CHCHD7: variants seen among roughly 807,000 people sequenced by gnomAD.
The protein encoded by CHCHD7 is coiled-coil-helix-coiled-coil-helix domain containing 7, also known as coiled-coil-helix-coiled-coil-helix domain-containing protein 7.
Under a neutral mutation model 10.5 loss-of-function variants are expected in CHCHD7, and 7 were observed. That is an observed-to-expected ratio of 0.67 (90% CI 0.38 to 1.25). CHCHD7 has a LOEUF of 1.25. Among genes scored for constraint, CHCHD7 ranks in the 50% most tolerant of loss-of-function variants. CHCHD7 has a pLI of 0.02. For missense variants in CHCHD7, 100 were observed against 104.5 expected (o/e 0.96, Z 0.19); for synonymous variants, 40 against 36.0 (o/e 1.11, Z -0.40).
rs770087819 is a variant in CHCHD7, at chr8:56,214,686, A to G, written c.54+19A>G. 9.3e-6 allele frequency: 15 copies of G among 1,604,898 alleles called. No homozygotes were observed. The Admixed American group carries it at 2.2e-4, about 23-fold the overall frequency. On this transcript the variant is annotated intron_variant, in intron 2 of 3. Coordinates refer to ENST00000355315, the MANE Select transcript of CHCHD7 (RefSeq NM_001011671.3). ...TTTGTCGGTAGGATGGTTTGCTTTA[A>G]TTTTCATGAGTGTTAAGTTGGAAAA...
chr8:56,216,528 C>G lies in CHCHD7; in HGVS notation c.150C>G (p.Phe50Leu). 6.2e-7 allele frequency: 1 copy of G among 1,614,146 alleles called. No individual in the cohort carries two copies. The highest frequency in any genetic ancestry group is 8.5e-7 in the Non-Finnish European group (1 of 1,180,004). Residue 50 changes from phenylalanine (F) to leucine (L), a missense_variant, in exon 3 of 4, where the codon TTC becomes TTG. Phe to Leu is a conservative substitution (Grantham distance 22). Coordinates refer to ENST00000355315, the MANE Select transcript of CHCHD7 (RefSeq NM_001011671.3). The part of the protein sequence containing the change: ...YFLRYKNCRR[F>L]WNSIVMQRRK... ...TGAGGTACAAAAACTGCCGGAGATT[C>G]TGGGTAAGCCTAGATTGGTTAGCTT...
intron 1 of CHCHD7, chr8:56,213,047 T>C (rs1813111389): frequency 3.6e-6 from 2 of 559,966 alleles, no homozygotes; most frequent in Non-Finnish European, 6.4e-6. Context: ...TGAAGAGTTC[T>C]GTGTTCTCAC....
chr8:56,216,716 C>G (rs762643089), intron 3 of CHCHD7, 185 bp downstream of exon 3: 2 of 729,270 alleles, frequency 2.7e-6, no homozygotes, highest in South Asian at 1.5e-5. Flanking sequence ...TTAGCTGCCT[C>G]GTCGTCCTCT....
intron 2 of CHCHD7, chr8:56,215,243 A>G (rs1813272861): frequency 6.6e-6 from 1 of 152,434 alleles, no homozygotes; most frequent in South Asian, 2.1e-4. Context: ...CTCTTTAGTT[A>G]TATGCATTTT....
chr8:56,213,258 A>G (rs569897383), intron 1 of CHCHD7: 15 of 173,774 alleles, frequency 8.6e-5, no homozygotes, highest in Non-Finnish European at 1.6e-4. Context: ...TGAAAATCAT[A>G]AAATTATTAT....
At chr8:56,212,504 C>T (rs7006898) in intron 1 of CHCHD7, 10,239 of 200,244 alleles carry the variant, frequency 0.051, 1,081 homozygotes, top group African/African-American at 0.22. Flanking sequence ...GATGGGAAAT[C>T]AGGAACTGCT....
chr8:56,214,349 G>A, intron 1 of CHCHD7: 1 of 297,542 alleles, frequency 3.4e-6, no homozygotes, highest in Non-Finnish European at 6.3e-6. Flanking sequence ...GGGATTACAG[G>A]CGTGAGACAC....
intron 1 of CHCHD7, chr8:56,212,228 G>C (rs1039193001): frequency 6.5e-6 from 1 of 153,078 alleles, no homozygotes; most frequent in Non-Finnish European, 1.5e-5. Context: ...GCTACACCGC[G>C]GAAGGCGGCG....
At position 56,218,708 on chromosome 8, in the gene CHCHD7, T is replaced by C. The variant is rs1171326835; in HGVS notation, c.*1273T>C. 2 of 200,926 alleles carry C rather than the reference T, an allele frequency of 1.0e-5. No individual in the cohort carries two copies. Among genetic ancestry groups the C allele is most frequent in the Non-Finnish European group, 2.0e-5 (2 of 97,750 alleles). 12.4% of individuals were successfully genotyped at this position (200,926 alleles called of 1,614,324 possible). A position where few individuals can be genotyped will look rare whatever the true frequency, so the allele number is the denominator to read the frequency against. ...ATGCCTACCTGTGTAAGAAGTATTTTTGTATTTTTAAGCACACTTGTTAAA... is the reference window on the plus strand; with the variant it reads ...ATGCCTACCTGTGTAAGAAGTATTTCTGTATTTTTAAGCACACTTGTTAAA... On this transcript the variant is annotated 3_prime_UTR_variant, in exon 4 of 4. Coordinates refer to ENST00000355315, the MANE Select transcript of CHCHD7 (RefSeq NM_001011671.3).
At chr8:56,216,803 T>C in intron 3 of CHCHD7, 1 of 687,024 alleles carries the variant, frequency 1.5e-6, no homozygotes, top group Non-Finnish European at 2.6e-6. Flanking sequence ...AACAATGTCT[T>C]TGTTATAAAT....
chr8:56,212,649 C>T, intron 1 of CHCHD7: 1 of 538,066 alleles, frequency 1.9e-6, no homozygotes, highest in Non-Finnish European at 3.3e-6. Context: ...AGCCTTGTAA[C>T]ATTTATTTAG....
Position 56,217,411 on chromosome 8 carries a change from A to G in CHCHD7, c.234A>G (p.Arg78=). The change falls in exon 4 of 4, where the codon AGA becomes AGG. Residue 78 remains arginine (R), a synonymous_variant. Transcript: ENST00000355315. ...CAGCAGAAAGAGATGAAATCTTGAG[A>G]GCAGTGGGAAATATGCCCTATTGAA... The part of the protein sequence containing the change: ...PTAAERDEIL[R]AVGNMPY The G allele has an allele frequency of 6.2e-7, 1 of 1,605,472 alleles. No homozygotes were observed. Among genetic ancestry groups the G allele is most frequent in the Non-Finnish European group, 8.5e-7 (1 of 1,172,124 alleles).
At chr8:56,212,896 G>A (rs1016057558) in intron 1 of CHCHD7, 3 of 1,598,900 alleles carry the variant, frequency 1.9e-6, no homozygotes, top group Non-Finnish European at 8.6e-7. Flanking sequence ...CTGGGTATAT[G>A]TGATGTTACC....
In CHCHD7 at chr8:56,217,529, C is replaced by A; in HGVS notation, c.*94C>A. The A allele has an allele frequency of 2.7e-6, 2 of 749,752 alleles. No individual in the cohort carries two copies. The highest frequency in any genetic ancestry group is 1.8e-5 in the African/African-American group (1 of 56,102). 46.4% of individuals were successfully genotyped at this position (749,752 alleles called of 1,614,324 possible). A position where few individuals can be genotyped will look rare whatever the true frequency, so the allele number is the denominator to read the frequency against. On this transcript the variant is annotated 3_prime_UTR_variant, in exon 4 of 4. Transcript: ENST00000355315. The stretch of plus-strand genomic sequence containing the variant: ...TATTTAAGACTGTACACCCCTCACC[C>A]AGACAGACCTTAAGTTCTTCAAGTG...
intron 2 of CHCHD7, 108 bp from the exon 3 acceptor site, chr8:56,216,325 G>T: frequency 6.6e-7 from 1 of 1,507,500 alleles, no homozygotes; most frequent in South Asian, 1.3e-5. Context: ...GAACACAAAT[G>T]AACTATTTCA....
rs756378593 is a variant in CHCHD7, at chr8:56,216,484, A to T, written c.106A>T (p.Arg36Trp). The T allele has an allele frequency of 1.2e-6, 2 of 1,614,194 alleles. No homozygotes were observed. Among genetic ancestry groups the T allele is most frequent in the South Asian group, 2.2e-5 (2 of 91,082 alleles). The change falls in exon 3 of 4, where the codon AGG becomes TGG. Residue 36 changes from arginine (R) to tryptophan (W), a missense_variant. Transcript: ENST00000355315. ...CLDENNYDRERCSTYFLRYKN... is the reference protein window; with the variant it reads ...CLDENNYDREWCSTYFLRYKN... ...GGATGAAAATAACTATGACAGGGAAAGGTGTTCCACTTACTTCTTGAGGTA... is the reference window on the plus strand; with the variant it reads ...GGATGAAAATAACTATGACAGGGAATGGTGTTCCACTTACTTCTTGAGGTA...
chr8:56,217,669 T>G lies in CHCHD7; in HGVS notation c.*234T>G, dbSNP rs1813439239. On this transcript the variant is annotated 3_prime_UTR_variant, in exon 4 of 4. Coordinates refer to ENST00000355315, the MANE Select transcript of CHCHD7 (RefSeq NM_001011671.3). ...TGCATGACTTTCTGGAGGCATGGAGTTAGGTAAGGCTACATGAGAAATTGA... is the reference window on the plus strand; with the variant it reads ...TGCATGACTTTCTGGAGGCATGGAGGTAGGTAAGGCTACATGAGAAATTGA... 2.5e-6 allele frequency: 1 copy of G among 400,396 alleles called. No homozygotes were observed. 24.8% of individuals were successfully genotyped at this position (400,396 alleles called of 1,614,324 possible). A position where few individuals can be genotyped will look rare whatever the true frequency, so the allele number is the denominator to read the frequency against.
At chr8:56,212,587 C>T (rs1033636321) in intron 1 of CHCHD7, 22 of 383,784 alleles carry the variant, frequency 5.7e-5, no homozygotes, top group East Asian at 3.6e-4. Context: ...TGTGGCCCCT[C>T]CTTCATATCT....
intron 1 of CHCHD7, 181 bp from the exon 2 acceptor site, chr8:56,214,417 G>A: frequency 2.0e-6 from 1 of 497,362 alleles, no homozygotes; most frequent in Non-Finnish European, 3.6e-6. Flanking sequence ...TTGAGGCATG[G>A]CAATACAAAG....
Sources: allele counts gnomAD v4.1 joint callset, GRCh38; gene constraint gnomAD v4.1.1; transcripts MANE v1.5; gene names NCBI Gene and HGNC (gene_info 2026-07-23, HGNC 2026-07-21).